Variants in FRMD3 observed in about 807,000 individuals in gnomAD.
The protein encoded by FRMD3 is FERM domain-containing protein 3.
FRMD3 carries 33 observed loss-of-function variants against 70.2 expected under a neutral mutation model. The ratio of observed to expected loss-of-function variants is 0.47; its 90% CI spans 0.36 to 0.63. The LOEUF is 0.63. Ranked by LOEUF, FRMD3 falls within the 20% of genes least tolerant of loss-of-function variation. The pLI, the probability that FRMD3 is intolerant of heterozygous loss-of-function variation, is 0.00. For synonymous variants in FRMD3, 279 were observed against 255.9 expected (o/e 1.09, Z -0.86); for missense variants, 632 against 711.4 (o/e 0.89, Z 1.27).
intron 12 of FRMD3, among the ~76,000 whole-genome samples, chr9:83,297,335 C>T (rs1834716126): frequency 2.0e-5 from 3 of 152,084 alleles, no homozygotes; most frequent in Non-Finnish European, 4.4e-5. Flanking sequence ...AAGAAAATGC[C>T]AGGTGCTCTC....
chr9:83,433,146 G>A (rs1450446368), intron 1 of FRMD3, among the ~76,000 whole-genome samples: 1 of 152,090 alleles, frequency 6.6e-6, no homozygotes, highest in Non-Finnish European at 1.5e-5. Context: ...ATCAGTTGAT[G>A]GGCATTAGGT....
At chr9:83,504,539 A>C (rs1395876755) in intron 1 of FRMD3, among the ~76,000 whole-genome samples, 1 of 151,908 alleles carries the variant, frequency 6.6e-6, no homozygotes, top group Non-Finnish European at 1.5e-5. Context: ...CTTCTGCCTC[A>C]AGACCTTTAC....
intron 13 of FRMD3, among the ~76,000 whole-genome samples, chr9:83,264,419 T>G (rs1449351879): frequency 6.6e-6 from 1 of 152,166 alleles, no homozygotes; most frequent in Non-Finnish European, 1.5e-5. Context: ...ACCCACAGAA[T>G]GTACACCACC....
rs1442257515 is a variant in FRMD3 at position 83,537,026 on chromosome 9, G to A, written c.147+1059C>T. On this transcript the variant is annotated intron_variant, in intron 1 of 13. Transcript: ENST00000304195. The surrounding 1 kb of genome is among the most constrained non-coding windows in gnomAD (Gnocchi z 4.1). ...AATCCCAGAGATAAACAGTTAAATA[G>A]ATTTAGAAGTCAGAAGTTAATTGTG... Among the ~76,000 whole-genome samples, 1 of 149,476 alleles carries A rather than the reference G, an allele frequency of 6.7e-6. No individual in the cohort carries two copies. Among genetic ancestry groups the A allele is most frequent in the African/African-American group, 2.5e-5 (1 of 40,384 alleles).
chr9:83,556,947 T>A, the FRMD3 span, among the ~76,000 whole-genome samples: 1 of 152,134 alleles, frequency 6.6e-6, no homozygotes, highest in Non-Finnish European at 1.5e-5. Context: ...AAAACATTCT[T>A]AAGAATGAAA....
intron 3 of FRMD3, among the ~76,000 whole-genome samples, chr9:83,355,019 G>A (rs994530655): frequency 6.6e-6 from 1 of 152,118 alleles, no homozygotes; most frequent in African/African-American, 2.4e-5. Context: ...TGAGCACTGT[G>A]GTGCACCCAC....
At chr9:83,293,798 G>C (rs762969834) in intron 12 of FRMD3, among the ~76,000 whole-genome samples, 1 of 152,192 alleles carries the variant, frequency 6.6e-6, no homozygotes, top group Non-Finnish European at 1.5e-5. Context: ...ATTAGACCAG[G>C]TGACTCCTGC....
At chr9:83,357,537 CCCA>C (rs1002028675) in intron 3 of FRMD3, among the ~76,000 whole-genome samples, 3 of 151,492 alleles carry the variant, frequency 2.0e-5, no homozygotes, top group African/African-American at 4.8e-5. Context: ...AGTTTACAAC[CCCA>C]CCAATAGTGT....
chr9:83,364,143 T>C (rs1171824360), intron 3 of FRMD3, among the ~76,000 whole-genome samples: 1 of 152,236 alleles, frequency 6.6e-6, no homozygotes, highest in Non-Finnish European at 1.5e-5. Context: ...TGTTGGTTTG[T>C]AGCATCAAAC....
intron 2 of FRMD3, among the ~76,000 whole-genome samples, chr9:83,387,863 C>T (rs1299005865): frequency 6.6e-6 from 1 of 152,196 alleles, no homozygotes; most frequent in Non-Finnish European, 1.5e-5. Context: ...GTTGCTGGCC[C>T]TAACCCCATG....
At chr9:83,254,642 T>C (rs1380836871) in intron 13 of FRMD3, among the ~76,000 whole-genome samples, 2 of 151,372 alleles carry the variant, frequency 1.3e-5, no homozygotes, top group African/African-American at 2.4e-5. Context: ...GCTAGACTAA[T>C]AAAGAAAAAA....
At chr9:83,536,953 A>AAAAAAAAAAAAAAAAAAAAAAG (rs1564121093) in intron 1 of FRMD3, among the ~76,000 whole-genome samples, 1 of 146,900 alleles carries the variant, frequency 6.8e-6, no homozygotes, top group African/African-American at 2.5e-5. Context: ...AAAAAAAAAA[A>AAAAAAAAAAAAAAAAAAAAAAG]GCTCAGTCCC....
At chr9:83,576,044 CA>C in the FRMD3 span, among the ~76,000 whole-genome samples, 3 of 142,650 alleles carry the variant, frequency 2.1e-5, no homozygotes, top group South Asian at 2.2e-4. Flanking sequence ...CTCATCTCTA[CA>C]AAAAAAAAAT....
At chr9:83,244,082 C>T (rs534766412), downstream of FRMD3, among the ~76,000 whole-genome samples, 3 of 151,704 alleles carry the variant, frequency 2.0e-5, no homozygotes, top group Non-Finnish European at 2.9e-5. Context: ...GAGCCGTGAT[C>T]GTGCCATTGC....
chr9:83,492,941 G>A lies in FRMD3; in HGVS notation c.147+45144C>T, dbSNP rs4097646. Among the ~76,000 whole-genome samples the A allele has an allele frequency of 2.6e-3, 396 of 152,270 alleles. 1 individual carries two copies. The highest frequency in any genetic ancestry group is 5.0e-3 in the Admixed American group (76 of 15,294). On this transcript the variant is annotated intron_variant, in intron 1 of 13. Coordinates refer to ENST00000304195, the MANE Select transcript of FRMD3 (RefSeq NM_174938.6). ...ACTCAGGGAGCAGAGAAGTGGGACA[G>A]CAAGTCCAGGGGCCGAGACATTCTC...
At chr9:83,464,900 A>G (rs1828078628) in intron 1 of FRMD3, among the ~76,000 whole-genome samples, 1 of 148,926 alleles carries the variant, frequency 6.7e-6, no homozygotes, top group Non-Finnish European at 1.5e-5. Context: ...TGCACCTGTA[A>G]TCCCAGCGAC....
In FRMD3 at chr9:83,377,014, C is replaced by T. The variant is rs1275351044; in HGVS notation, c.253-4059G>A. ...TTTCTGCAATTTATATGTATAATGT[C>T]TTACATAACTACTAAAATTTTAGGA... On this transcript the variant is annotated intron_variant, in intron 2 of 13. Transcript: ENST00000304195. Among the ~76,000 whole-genome samples, 4 of 152,072 alleles carry T rather than the reference C, an allele frequency of 2.6e-5. No homozygotes were observed. The East Asian group carries it at 7.7e-4, about 29-fold the overall frequency.
At chr9:83,481,011 T>C (rs1484247111) in intron 1 of FRMD3, among the ~76,000 whole-genome samples, 1 of 152,150 alleles carries the variant, frequency 6.6e-6, no homozygotes, top group African/African-American at 2.4e-5. Context: ...CAACTAAATA[T>C]TTTAAATGCT....
intron 1 of FRMD3, among the ~76,000 whole-genome samples, chr9:83,505,833 A>G (rs998716364): frequency 1.3e-5 from 2 of 152,204 alleles, no homozygotes; most frequent in African/African-American, 4.8e-5. Context: ...GCATGTTTAC[A>G]GATTTGGAGA....
Sources: gnomAD v4.1 joint callset for allele counts (sites outside exome capture counted in the v4.1 genomes callset) on GRCh38, gnomAD v4.1.1 for gene constraint, Gnocchi (gnomAD v3.1) non-coding constraint, MANE v1.5 for transcripts, NCBI Gene and HGNC (gene_info 2026-07-23, HGNC 2026-07-21) for gene names.